Variants in MCPH1 observed in about 807,000 individuals in gnomAD.
The protein encoded by MCPH1 is microcephalin 1.
A neutral mutation model predicts 84.5 loss-of-function variants in MCPH1; 104 were observed. The observed-to-expected ratio is 1.23, with a 90% CI of 1.05 to 1.45. The LOEUF is 1.45. Among genes scored for constraint, MCPH1 ranks in the 40% most tolerant of loss-of-function variants. The pLI is 0.00. For missense variants in MCPH1, 1,498 were observed against 1,005.7 expected (o/e 1.49, Z -6.62); for synonymous variants, 514 against 366.8 (o/e 1.40, Z -4.58).
chr8:6,578,774 T>C (rs1284172509), intron 12 of MCPH1, among the ~76,000 whole-genome samples: 2 of 152,108 alleles, frequency 1.3e-5, no homozygotes, highest in East Asian at 3.9e-4. Flanking sequence ...GGCAGATCAA[T>C]GTAAAGGCAG....
rs1249174557 is a variant in MCPH1, at chr8:6,505,319, T to TTC, written c.2214+5390_2214+5391insTC. ...CATATATATGTATATAACATATATATGTTATATACATATAGAAAGAATATA... is the reference window on the plus strand; with the variant it reads ...CATATATATGTATATAACATATATATTCGTTATATACATATAGAAAGAATATA... On this transcript the variant is annotated intron_variant, in intron 12 of 13. Transcript: ENST00000344683. Among the ~76,000 whole-genome samples, 6 of 62,444 alleles carry TTC rather than the reference T, an allele frequency of 9.6e-5. 2 individuals carry two copies. The highest frequency in any genetic ancestry group is 5.5e-4 in the African/African-American group (6 of 10,980). The allele number at this position is 62,444 out of a possible 152,430, so 41.0% of individuals were successfully genotyped here. A position where few individuals can be genotyped will look rare whatever the true frequency, so the allele number is the denominator to read the frequency against.
chr8:6,447,535 G>A, intron 8 of MCPH1: 1 of 656,158 alleles, frequency 1.5e-6, no homozygotes, highest in Non-Finnish European at 1.9e-6. Flanking sequence ...AAACAATTTT[G>A]GTTTTGTTTT....
chr8:6,452,191 C>T (rs1253468953), intron 8 of MCPH1, among the ~76,000 whole-genome samples: 1 of 152,156 alleles, frequency 6.6e-6, no homozygotes, highest in East Asian at 1.9e-4. Flanking sequence ...TAGTCATTTT[C>T]TTCTCTTTTC....
intron 13 of MCPH1, among the ~76,000 whole-genome samples, chr8:6,624,469 T>C (rs1831850919): frequency 6.6e-6 from 1 of 152,198 alleles, no homozygotes; most frequent in Non-Finnish European, 1.5e-5. Context: ...ACCTCTCCAG[T>C]GTACCAGGCC....
chr8:6,606,934 C>T (rs752180061), intron 12 of MCPH1, among the ~76,000 whole-genome samples: 13 of 152,178 alleles, frequency 8.5e-5, no homozygotes, highest in Non-Finnish European at 1.8e-4. Flanking sequence ...TGTGAGGCCT[C>T]CCCAGCCACA....
At chr8:6,639,393 G>A (rs769321526) in intron 13 of MCPH1, among the ~76,000 whole-genome samples, 1 of 152,182 alleles carries the variant, frequency 6.6e-6, no homozygotes, top group Non-Finnish European at 1.5e-5. Flanking sequence ...CAGGTCCAGT[G>A]ACTCACATGT....
At chr8:6,521,060 T>C (rs1817241699) in intron 12 of MCPH1, 2 of 692,666 alleles carry the variant, frequency 2.9e-6, no homozygotes, top group Admixed American at 5.9e-5. Flanking sequence ...GGTAGATATT[T>C]CATATGAAAT....
rs7817111 is a variant in MCPH1 at position 6,640,199 on chromosome 8, C to T, written c.2453-2795C>T. ...TTCTTGAGCTGGAATTATTCTAGTC[C>T]GAGCCCAGGCTCATGAAGATTTCTG... On this transcript the variant is annotated intron_variant, in intron 13 of 13. Coordinates refer to ENST00000344683, the MANE Select transcript of MCPH1 (RefSeq NM_024596.5). Among the ~76,000 whole-genome samples the T allele has an allele frequency of 4.0e-3, 608 of 151,598 alleles. 6 individuals are homozygous for T. Among genetic ancestry groups the T allele is most frequent in the African/African-American group, 0.013 (533 of 41,352 alleles).
intron 12 of MCPH1, among the ~76,000 whole-genome samples, chr8:6,534,264 C>A (rs12115093): frequency 1.3e-5 from 2 of 152,146 alleles, no homozygotes; most frequent in Middle Eastern, 3.4e-3. Context: ...TACAGTATAG[C>A]AACTATTTAC....
chr8:6,554,184 T>C (rs1438898584), intron 12 of MCPH1, among the ~76,000 whole-genome samples: 1 of 150,900 alleles, frequency 6.6e-6, no homozygotes, highest in East Asian at 1.9e-4. Context: ...ACCACCTGGA[T>C]AGCCCACCTC....
intron 13 of MCPH1, among the ~76,000 whole-genome samples, chr8:6,637,902 G>A (rs1023075994): frequency 4.6e-5 from 7 of 152,164 alleles, no homozygotes; most frequent in African/African-American, 1.4e-4. Flanking sequence ...ACATTTCAGA[G>A]CCAGGTGCAC....
chr8:6,607,438 A>C (rs1829874791), intron 12 of MCPH1, among the ~76,000 whole-genome samples: 1 of 152,162 alleles, frequency 6.6e-6, no homozygotes, highest in South Asian at 2.1e-4. Flanking sequence ...TGAAACACAT[A>C]CTAAATATGT....
intron 12 of MCPH1, chr8:6,620,927 T>G (rs1230278714): frequency 1.8e-5 from 3 of 170,588 alleles, no homozygotes; most frequent in African/African-American, 7.2e-5. Flanking sequence ...GAATTCTACT[T>G]TTGCATTGCC....
chr8:6,489,599 G>A (rs2920674), intron 11 of MCPH1, among the ~76,000 whole-genome samples: 2 of 152,176 alleles, frequency 1.3e-5, no homozygotes, highest in Admixed American at 6.5e-5. Flanking sequence ...GTAATGGTGC[G>A]ATTTGCTGAG....
At chr8:6,576,443 C>CA (rs1216052155) in intron 12 of MCPH1, among the ~76,000 whole-genome samples, 1 of 152,008 alleles carries the variant, frequency 6.6e-6, no homozygotes, top group East Asian at 1.9e-4. Context: ...AGTATGAGGC[C>CA]AGGCCTTATT....
intron 3 of MCPH1, among the ~76,000 whole-genome samples, chr8:6,430,836 G>A (rs1415516571): frequency 6.6e-6 from 1 of 152,148 alleles, no homozygotes; most frequent in African/African-American, 2.4e-5. Context: ...AATTAGAAGA[G>A]GAGAAACAAA....
rs1337290340 is a variant in MCPH1 at position 6,455,249 on chromosome 8, A to G, written c.1932A>G (p.Lys644=). The G allele has an allele frequency of 6.2e-7, 1 of 1,601,502 alleles. No individual in the cohort carries two copies. The highest frequency in any genetic ancestry group is 1.3e-5 in the African/African-American group (1 of 74,648). The change falls in exon 9 of 14, where the codon AAA becomes AAG. Residue 644 remains lysine (K), a synonymous_variant. Transcript: ENST00000344683. ...AATTGAAGAAAAGTGGGAGAGGCAA[A>G]AAGGTCAGTGTGTAAAAATATTATT... ...HEELKKSGRG[K]KPTRTLVMTS...
intron 12 of MCPH1, among the ~76,000 whole-genome samples, chr8:6,597,709 A>T (rs917393717): frequency 1.1e-4 from 17 of 152,152 alleles, no homozygotes; most frequent in African/African-American, 4.1e-4. Context: ...CGTCTCTGGG[A>T]ACATTTCCTT....
rs117733238 is a variant in MCPH1, at chr8:6,475,503, C to T, written c.1936-2091C>T. ...GCATCCCGGGGAAAACCCAGGTAGC[C>T]TGGGAGAGCCCCTGGTTCTTCAGAT... On this transcript the variant is annotated intron_variant, in intron 9 of 13. Coordinates refer to ENST00000344683, the MANE Select transcript of MCPH1 (RefSeq NM_024596.5). Among the ~76,000 whole-genome samples, 74 of 152,338 alleles carry T rather than the reference C, an allele frequency of 4.9e-4. No homozygotes were observed. The East Asian group carries it at 9.8e-3, about 20-fold the overall frequency.
Sources: gnomAD v4.1 joint callset for allele counts (sites outside exome capture counted in the v4.1 genomes callset) on GRCh38, gnomAD v4.1.1 for gene constraint, MANE v1.5 for transcripts, NCBI Gene and HGNC (gene_info 2026-07-23, HGNC 2026-07-21) for gene names.